SAG: variants seen among roughly 807,000 people sequenced by gnomAD.
SAG encodes S-antigen visual arrestin, also known as S-arrestin.
In SAG, 45 loss-of-function variants were observed where a neutral mutation model predicts 55.0. The ratio of observed to expected loss-of-function variants is 0.82; its 90% confidence interval spans 0.64 to 1.05. The LOEUF (loss-of-function observed/expected upper bound fraction) is 1.05, where lower values mean the gene tolerates loss of function less well. SAG is among the 50% of genes least tolerant of loss of function. The pLI is 0.00. For missense variants in SAG, 455 were observed against 512.1 expected (o/e 0.89, Z 1.08); for synonymous variants, 189 against 197.4 (o/e 0.96, Z 0.36).
chr2:233,346,195 C>T, intron 14 of SAG: 1 of 342,834 alleles, frequency 2.9e-6, no homozygotes, highest in Non-Finnish European at 5.2e-6. Flanking sequence ...AAATAAAATG[C>T]AAGGAGAAAA....
At chr2:233,327,233 C>T (rs749251298) in intron 7 of SAG, 36 bp downstream of exon 7, 13 of 1,548,382 alleles carry the variant, frequency 8.4e-6, no homozygotes, top group Non-Finnish European at 1.1e-5. Context: ...GAGGGGTCTG[C>T]GGTGGGGGTG....
intron 7 of SAG, chr2:233,328,142 A>C: frequency 4.2e-6 from 1 of 235,680 alleles, no homozygotes; most frequent in Non-Finnish European, 8.2e-6. Context: ...TATGGCAGCT[A>C]TTCCATGAGG....
intron 2 of SAG, 78 bp from the exon 3 acceptor site, chr2:233,315,997 G>A (rs181158151): frequency 2.3e-6 from 2 of 857,648 alleles, no homozygotes; most frequent in Admixed American, 4.2e-5. Flanking sequence ...ACCGCGCCCG[G>A]GCTGCTGCTG....
chr2:233,325,781 G>A (rs1444844595), intron 6 of SAG, among the ~76,000 whole-genome samples: 1 of 152,192 alleles, frequency 6.6e-6, no homozygotes, highest in Admixed American at 6.5e-5. Context: ...CAGGAAAGTG[G>A]GTGCGCCCTG....
In SAG at chr2:233,340,322, G is replaced by T; in HGVS notation, c.1023-133G>T. On this transcript the variant is annotated intron_variant, in intron 12 of 15. Transcript: ENST00000409110. This position sits in a 1 kb window ranked among gnomAD's most constrained non-coding sequence, Gnocchi z 4.2. ...GTAATGAAGTTGAACATTAAGGGAT[G>T]GGAAGACCCTGGATGTTGTGAGTTC... 1.4e-6 allele frequency: 1 copy of T among 705,214 alleles called. No homozygotes were observed. Among genetic ancestry groups the T allele is most frequent in the South Asian group, 1.6e-5 (1 of 62,360 alleles). 43.7% of individuals were successfully genotyped at this position (705,214 alleles called of 1,614,324 possible).
At chr2:233,321,986 TACACACACACACACACACACACACACAC>T (rs57822347) in intron 5 of SAG, among the ~76,000 whole-genome samples, 1 of 133,266 alleles carries the variant, frequency 7.5e-6, no homozygotes, top group African/African-American at 2.9e-5. Flanking sequence ...CTACTAAAAA[TACACACACACACACACACACACACACAC>T]ACACACACAC....
Position 233,307,936 on chromosome 2 carries a change from C to A in SAG, c.-115C>A, listed in dbSNP as rs1699988281. 1.3e-5 allele frequency: 2 copies of A among 152,408 alleles called. No homozygotes were observed. The highest frequency in any genetic ancestry group is 4.8e-5 in the African/African-American group (2 of 41,464). The allele number at this position is 152,408 out of a possible 1,614,324, so 9.4% of individuals were successfully genotyped here. On this transcript the variant is annotated 5_prime_UTR_variant, in exon 1 of 16. Coordinates refer to ENST00000409110, the MANE Select transcript of SAG (RefSeq NM_000541.5). Reference sequence around the variant, plus strand: ...CAAGACGGTACCAGCTTGCTCAGAACAGGGGCTGGCTATTCATCATCTCAG... The same window carrying A: ...CAAGACGGTACCAGCTTGCTCAGAAAAGGGGCTGGCTATTCATCATCTCAG...
intron 6 of SAG, among the ~76,000 whole-genome samples, chr2:233,326,616 G>A (rs1972906): frequency 3.3e-5 from 5 of 150,440 alleles, no homozygotes; most frequent in South Asian, 4.2e-4. Flanking sequence ...CGTGCTGCCC[G>A]CACTGGGTGC....
chr2:233,337,469 A>C (rs1357240091), intron 11 of SAG, among the ~76,000 whole-genome samples: 1 of 151,834 alleles, frequency 6.6e-6, no homozygotes, highest in Non-Finnish European at 1.5e-5. Context: ...AATTTCCTGA[A>C]CTCAAGCGAT....
At chr2:233,316,813 A>G (rs1000409585) in intron 3 of SAG, among the ~76,000 whole-genome samples, 6 of 152,254 alleles carry the variant, frequency 3.9e-5, no homozygotes, top group Non-Finnish European at 8.8e-5. Context: ...AGGGAAATAC[A>G]GATTAAAGCT....
chr2:233,342,177 A>T (rs1574956298), intron 13 of SAG, 94 bp from the exon 14 acceptor site: 2 of 837,292 alleles, frequency 2.4e-6, no homozygotes, highest in East Asian at 2.8e-5. Context: ...GGGCCTGGGG[A>T]TCTTTTGTGA....
At chr2:233,333,792 A>G (rs888453943) in intron 10 of SAG, 17 of 152,118 alleles carry the variant, frequency 1.1e-4, no homozygotes, top group African/African-American at 3.6e-4. Context: ...CAATGCTCAA[A>G]TTACGCTCAT....
intron 6 of SAG, among the ~76,000 whole-genome samples, chr2:233,326,743 C>A (rs956876505): frequency 2.0e-5 from 3 of 152,158 alleles, no homozygotes; most frequent in African/African-American, 4.8e-5. Context: ...AGTGCCTGTA[C>A]CTCTGGCCCC....
chr2:233,313,884 A>G (rs1312148025), intron 2 of SAG, among the ~76,000 whole-genome samples: 1 of 150,950 alleles, frequency 6.6e-6, no homozygotes, highest in African/African-American at 2.4e-5. Flanking sequence ...GAGTTTTTAA[A>G]AGGGGCTGTT....
In SAG at chr2:233,340,611, T is replaced by C. The variant is rs1701068394; in HGVS notation, c.1046+133T>C. ...CTCAGAGGTGTTAGGAATGATGCTT[T>C]GCCTTCGGATGCATCACAGAACCGT... On this transcript the variant is annotated intron_variant, in intron 13 of 15. Transcript: ENST00000409110. This position sits in a 1 kb window ranked among gnomAD's most constrained non-coding sequence, Gnocchi z 4.2. 1.4e-6 allele frequency: 1 copy of C among 699,148 alleles called. No individual in the cohort carries two copies. Among genetic ancestry groups the C allele is most frequent in the African/African-American group, 1.8e-5 (1 of 55,440 alleles). 43.3% of individuals were successfully genotyped at this position (699,148 alleles called of 1,614,324 possible). A position where few individuals can be genotyped will look rare whatever the true frequency, so the allele number is the denominator to read the frequency against.
intron 12 of SAG, among the ~76,000 whole-genome samples, chr2:233,339,959 G>C (rs1701050282): frequency 8.4e-6 from 1 of 119,496 alleles, no homozygotes; most frequent in African/African-American, 2.7e-5. Flanking sequence ...ACCGTGCCCA[G>C]CCAACTTTTT....
In SAG at chr2:233,340,558, G is replaced by C; in HGVS notation, c.1046+80G>C. 2 of 1,096,122 alleles carry C rather than the reference G, an allele frequency of 1.8e-6. No individual in the cohort carries two copies. Among genetic ancestry groups the C allele is most frequent in the East Asian group, 2.5e-5 (1 of 40,194 alleles). 67.9% of individuals were successfully genotyped at this position (1,096,122 alleles called of 1,614,324 possible). On this transcript the variant is annotated intron_variant, in intron 13 of 15. Transcript: ENST00000409110. This position sits in a 1 kb window ranked among gnomAD's most constrained non-coding sequence, Gnocchi z 4.2. ...AACTTGGGGCTCCAAAACGGTTTCTGATGAAAGCTGCTTTCTGGACAGTTG... is the reference window on the plus strand; with the variant it reads ...AACTTGGGGCTCCAAAACGGTTTCTCATGAAAGCTGCTTTCTGGACAGTTG...
intron 12 of SAG, among the ~76,000 whole-genome samples, chr2:233,339,536 T>G (rs1184714007): frequency 7.7e-6 from 1 of 129,544 alleles, no homozygotes; most frequent in East Asian, 2.2e-4. Flanking sequence ...GTTAGCATAG[T>G]GTTTTTTTTT....
intron 6 of SAG, 53 bp from the exon 7 acceptor site, chr2:233,327,068 C>A: frequency 6.9e-7 from 1 of 1,439,938 alleles, no homozygotes; most frequent in Non-Finnish European, 9.8e-7. Context: ...TCTGGCCCGG[C>A]ACCCAGGGAG....
Sources: gnomAD v4.1 joint callset for allele counts (sites outside exome capture counted in the v4.1 genomes callset) on GRCh38, gnomAD v4.1.1 for gene constraint, Gnocchi (gnomAD v3.1) non-coding constraint, MANE v1.5 for transcripts, NCBI Gene and HGNC (gene_info 2026-07-23, HGNC 2026-07-21) for gene names.